The following PTPN4 variants were observed in gnomAD, a reference collection of about 807,000 sequenced individuals.
PTPN4 encodes the protein protein tyrosine phosphatase non-receptor type 4, also known as tyrosine-protein phosphatase non-receptor type 4.
In PTPN4, 49 loss-of-function variants were observed where a neutral mutation model predicts 135.5. The ratio of observed to expected loss-of-function variants is 0.36; its 90% confidence interval spans 0.29 to 0.46. The LOEUF (loss-of-function observed/expected upper bound fraction) is 0.46. Ranked by LOEUF, PTPN4 falls within the 20% of genes least tolerant of loss-of-function variation. PTPN4 has a pLI of 1.00. For missense variants in PTPN4, 860 were observed against 1,101.0 expected, an observed-to-expected ratio of 0.78 and a Z score of 3.10; for synonymous variants, 333 against 369.9, an observed-to-expected ratio of 0.90 and a Z score of 1.14.
At chr2:119,824,834 C>T (rs1426054223) in intron 2 of PTPN4, among the ~76,000 whole-genome samples, 1 of 152,020 alleles carries the variant, frequency 6.6e-6, no homozygotes, top group Non-Finnish European at 1.5e-5. Context: ...ATTACAGGCA[C>T]GTGCCACCAC....
chr2:119,869,264 A>G (rs1677875061), intron 3 of PTPN4, among the ~76,000 whole-genome samples: 1 of 152,238 alleles, frequency 6.6e-6, no homozygotes, highest in Non-Finnish European at 1.5e-5. Flanking sequence ...GAAGCACAGG[A>G]AACACTTTAG....
intron 1 of PTPN4, among the ~76,000 whole-genome samples, chr2:119,775,096 G>GAAAA (rs35234122): frequency 3.0e-5 from 2 of 66,742 alleles, no homozygotes; most frequent in Non-Finnish European, 5.5e-5. Context: ...GCCCTATTCT[G>GAAAA]AAAAAAAAAA....
chr2:119,789,657 A>G (rs1451699803), intron 1 of PTPN4, among the ~76,000 whole-genome samples: 2 of 152,088 alleles, frequency 1.3e-5, no homozygotes, highest in Non-Finnish European at 2.9e-5. Flanking sequence ...TACTTTGACC[A>G]TTACTTATGA....
intron 2 of PTPN4, among the ~76,000 whole-genome samples, chr2:119,857,070 T>C (rs1293420738): frequency 1.3e-5 from 2 of 152,046 alleles, no homozygotes; most frequent in African/African-American, 4.8e-5. Context: ...TCCTATTTCT[T>C]TTTTACTTAT....
intron 3 of PTPN4, among the ~76,000 whole-genome samples, chr2:119,865,262 G>C (rs576476000): frequency 6.6e-6 from 1 of 152,000 alleles, no homozygotes; most frequent in South Asian, 2.1e-4. Context: ...GATAATTAAC[G>C]GACTGAAGGA....
intron 3 of PTPN4, among the ~76,000 whole-genome samples, chr2:119,873,582 C>G (rs911222025): frequency 1.3e-5 from 2 of 152,104 alleles, no homozygotes; most frequent in Admixed American, 1.3e-4. Flanking sequence ...AATGTCTAAT[C>G]GCTTTGAAAG....
chr2:119,800,977 G>A (rs1457996934), intron 1 of PTPN4, among the ~76,000 whole-genome samples: 1 of 152,010 alleles, frequency 6.6e-6, no homozygotes, highest in Admixed American at 6.5e-5. Context: ...AAATCTGGGA[G>A]AGGGATTCCC....
At chr2:119,806,457 A>G (rs183083604) in intron 1 of PTPN4, among the ~76,000 whole-genome samples, 1 of 152,336 alleles carries the variant, frequency 6.6e-6, no homozygotes, top group Non-Finnish European at 1.5e-5. Flanking sequence ...GTTTAAACCA[A>G]TAAAGATCAA....
chr2:119,765,000 T>C (rs1247330510), intron 1 of PTPN4, among the ~76,000 whole-genome samples: 1 of 152,136 alleles, frequency 6.6e-6, no homozygotes. Flanking sequence ...GTGTGGAATC[T>C]AGCGTCAAAA....
At chr2:119,779,110 C>G (rs1468528411) in intron 1 of PTPN4, among the ~76,000 whole-genome samples, 3 of 152,108 alleles carry the variant, frequency 2.0e-5, no homozygotes, top group Non-Finnish European at 2.9e-5. Flanking sequence ...GTAGCACTAT[C>G]CTAAGGGAAT....
chr2:119,883,801 C>T (rs1338045426), intron 8 of PTPN4, among the ~76,000 whole-genome samples: 2 of 152,156 alleles, frequency 1.3e-5, no homozygotes, highest in African/African-American at 4.8e-5. Context: ...TTCTCAAAAC[C>T]ATACATAGCA....
chr2:119,848,363 CG>C (rs1268161213), intron 2 of PTPN4, among the ~76,000 whole-genome samples: 2 of 151,886 alleles, frequency 1.3e-5, no homozygotes, highest in African/African-American at 4.8e-5. Flanking sequence ...TTAATAGAGA[CG>C]GGGTTTCACC....
rs1678148142 is a variant in PTPN4 at position 119,885,834 on chromosome 2, C to G, written c.627C>G (p.Asn209Lys). 1.2e-6 allele frequency: 2 copies of G among 1,605,406 alleles called. No individual in the cohort carries two copies. Among genetic ancestry groups the G allele is most frequent in the Admixed American group, 3.5e-5 (2 of 57,806 alleles). Residue 209 changes from asparagine to lysine, a missense_variant, in exon 9 of 27, where the codon AAC (asparagine) becomes AAG (lysine). Physicochemically the swap from Asn to Lys is moderately conservative, Grantham distance 94. Coordinates refer to ENST00000263708, the MANE Select transcript of PTPN4 (RefSeq NM_002830.4). ...SPAEAEFNYL[N>K]TARTLELYGV... ...CAGAAGCAGAATTTAATTACCTAAA[C>G]ACAGCACGTACCTTAGAACTCTATG...
chr2:119,855,422 C>T (rs1011839557), intron 2 of PTPN4, among the ~76,000 whole-genome samples: 3 of 152,098 alleles, frequency 2.0e-5, no homozygotes, highest in Non-Finnish European at 4.4e-5. Context: ...GAAAATATAG[C>T]CCTGTTCCTT....
chr2:119,760,530 A>T, intron 1 of PTPN4, 146 bp downstream of exon 1: 1 of 377,884 alleles, frequency 2.6e-6, no homozygotes. Flanking sequence ...AAAAAGGACA[A>T]AAACAAACAA....
chr2:119,916,278 G>A (rs1452224102), intron 11 of PTPN4: 1 of 152,398 alleles, frequency 6.6e-6, no homozygotes, highest in Admixed American at 6.6e-5. Context: ...GGCTGAGGTG[G>A]GTGGATAGGT....
chr2:119,837,488 C>T (rs182138992), intron 2 of PTPN4, among the ~76,000 whole-genome samples: 14 of 151,760 alleles, frequency 9.2e-5, no homozygotes, highest in East Asian at 3.9e-4. Flanking sequence ...GCTGTCGCTC[C>T]GTGAACTCCT....
chr2:119,776,048 G>A (rs558245092), intron 1 of PTPN4, among the ~76,000 whole-genome samples: 79 of 152,240 alleles, frequency 5.2e-4, no homozygotes, highest in African/African-American at 1.9e-3. Context: ...TAGACAGTCT[G>A]GCAGAAGGGT....
At chr2:119,779,751 A>T (rs1690904361) in intron 1 of PTPN4, among the ~76,000 whole-genome samples, 1 of 151,656 alleles carries the variant, frequency 6.6e-6, no homozygotes, top group Admixed American at 6.6e-5. Flanking sequence ...TAATTCTTTT[A>T]TTTTTTGTTT....
Sources: gnomAD v4.1 joint callset for allele counts (sites outside exome capture counted in the v4.1 genomes callset) on GRCh38, gnomAD v4.1.1 for gene constraint, MANE v1.5 for transcripts, NCBI Gene and HGNC (gene_info 2026-07-23, HGNC 2026-07-21) for gene names.